WLS: variants seen among roughly 807,000 people sequenced by gnomAD.
WLS encodes the protein protein wntless homolog.
Under a neutral mutation model 62.8 loss-of-function variants are expected in WLS, and 23 were observed. The ratio of observed to expected loss-of-function variants is 0.37; its 90% CI spans 0.26 to 0.52. WLS has a LOEUF of 0.52. WLS is among the 20% of genes least tolerant of loss of function. WLS has a pLI of 0.92. For synonymous variants in WLS, 246 were observed against 244.1 expected (o/e 1.01, Z -0.07); for missense variants, 615 against 697.3 (o/e 0.88, Z 1.33).
intron 11 of WLS, among the ~76,000 whole-genome samples, chr1:68,130,929 T>C (rs1418278807): frequency 6.9e-6 from 1 of 145,490 alleles, no homozygotes; most frequent in Non-Finnish European, 1.5e-5. Context: ...AGTCTTGCTC[T>C]GTCACCCAGG....
At chr1:68,133,752 C>T (rs1357173084) in intron 11 of WLS, among the ~76,000 whole-genome samples, 1 of 152,238 alleles carries the variant, frequency 6.6e-6, no homozygotes, top group Non-Finnish European at 1.5e-5. Flanking sequence ...TCGTGAAATG[C>T]TCAATGATTC....
chr1:68,140,187 G>A (rs1006270126), intron 10 of WLS, among the ~76,000 whole-genome samples: 1 of 152,202 alleles, frequency 6.6e-6, no homozygotes, highest in Non-Finnish European at 1.5e-5. Context: ...CTGTGGCACA[G>A]AAAGATGGAG....
chr1:68,227,857 A>G (rs1557532419), intron 1 of WLS, among the ~76,000 whole-genome samples: 1 of 152,214 alleles, frequency 6.6e-6, no homozygotes, highest in Non-Finnish European at 1.5e-5. Context: ...CTTAAAATCT[A>G]ATAAATTGGA....
Position 68,125,696 on chromosome 1 carries a change from A to G in WLS, c.*530T>C, listed in dbSNP as rs1646419303. The G allele has an allele frequency of 1.0e-6, 1 of 985,754 alleles. No individual in the cohort carries two copies. Among genetic ancestry groups the G allele is most frequent in the Non-Finnish European group, 1.2e-6 (1 of 830,238 alleles). 61.1% of individuals were successfully genotyped at this position (985,754 alleles called of 1,614,324 possible). On this transcript the variant is annotated 3_prime_UTR_variant, in exon 12 of 12. Coordinates refer to ENST00000262348, the MANE Select transcript of WLS (RefSeq NM_024911.7). ...TGCCACAAAACAGGGACACTTATCT[A>G]TTGACAACTTAAATATTAACTCAGT...
At position 68,164,527 on chromosome 1, in the gene WLS, G is replaced by A. The variant is rs1327780877; in HGVS notation, c.380-5280C>T. 2.6e-5 allele frequency among the ~76,000 whole-genome samples: 4 copies of A among 152,048 alleles called. No individual in the cohort carries two copies. In the East Asian group the frequency reaches 7.7e-4, roughly 29 times the overall value. On this transcript the variant is annotated intron_variant, in intron 2 of 11. Transcript: ENST00000262348. The stretch of plus-strand genomic sequence containing the variant: ...CCTGCCTCAGCTTCCCAAAGTGTTG[G>A]GATCACAGGCGTGAACCACTGTGCC...
Position 68,162,610 on chromosome 1 carries a change from C to T in WLS, c.380-3363G>A, listed in dbSNP as rs1451401870. The T allele has an allele frequency of 8.9e-6, 12 of 1,349,472 alleles. 1 individual carries two copies. The highest frequency in any genetic ancestry group is 2.9e-5 in the African/African-American group (2 of 69,984). The allele number at this position is 1,349,472 out of a possible 1,614,324, so 83.6% of individuals were successfully genotyped here. ...GCGGTTCTGCTCCATGCTCTGAACCCGTGTGCCTTACCGCAGTGCTTGGTA... is the reference window on the plus strand; with the variant it reads ...GCGGTTCTGCTCCATGCTCTGAACCTGTGTGCCTTACCGCAGTGCTTGGTA... On this transcript the variant is annotated intron_variant, in intron 2 of 11. Coordinates refer to ENST00000262348, the MANE Select transcript of WLS (RefSeq NM_024911.7).
downstream of WLS, chr1:68,121,087 AAGTG>A (rs1414520815): frequency 3.9e-5 from 6 of 152,136 alleles, no homozygotes; most frequent in Non-Finnish European, 7.4e-5. Flanking sequence ...AAAAAGTAAG[AAGTG>A]AGTATTTTTA....
chr1:68,144,879 C>G (rs75328799), intron 9 of WLS, among the ~76,000 whole-genome samples: 78 of 152,278 alleles, frequency 5.1e-4, no homozygotes, highest in African/African-American at 1.8e-3. Flanking sequence ...AGCAGCGATA[C>G]GAGAGCCTGG....
intron 8 of WLS, among the ~76,000 whole-genome samples, chr1:68,147,493 C>A (rs1173363233): frequency 1.3e-5 from 2 of 152,322 alleles, no homozygotes; most frequent in South Asian, 4.1e-4. Context: ...CTCTCCACTC[C>A]AGAGCAGAGT....
chr1:68,132,431 A>AG lies in WLS; in HGVS notation c.1516+5348dup, dbSNP rs1288776411. 3.3e-5 allele frequency among the ~76,000 whole-genome samples: 5 copies of AG among 152,178 alleles called. No individual in the cohort carries two copies. In the East Asian group the frequency reaches 5.8e-4, roughly 18 times the overall value. Reference sequence around the variant, plus strand: ...CAATCAGGGAGATGGCGTCAATAAAAGGGGGCAACCAATGTCAGGGCCTCA... The same window carrying AG: ...CAATCAGGGAGATGGCGTCAATAAAAGGGGGGCAACCAATGTCAGGGCCTCA... On this transcript the variant is annotated intron_variant, in intron 11 of 11. Coordinates refer to ENST00000262348, the MANE Select transcript of WLS (RefSeq NM_024911.7).
At chr1:68,146,094 G>A in intron 8 of WLS, 82 bp from the exon 9 acceptor site, 1 of 1,489,188 alleles carries the variant, frequency 6.7e-7, no homozygotes, top group Middle Eastern at 1.8e-4. Context: ...CAGGTCTGTT[G>A]GCAATACTTG....
At chr1:68,133,267 C>T (rs1376691464) in intron 11 of WLS, among the ~76,000 whole-genome samples, 3 of 152,082 alleles carry the variant, frequency 2.0e-5, no homozygotes, top group Admixed American at 6.6e-5. Flanking sequence ...CATTCACTGC[C>T]GCTATGGTCC....
intron 1 of WLS, among the ~76,000 whole-genome samples, chr1:68,220,425 C>T (rs1649894544): frequency 1.3e-5 from 2 of 152,192 alleles, no homozygotes; most frequent in South Asian, 2.1e-4. Context: ...GAAGATGGAA[C>T]TCGTTCTCTC....
chr1:68,203,049 T>C (rs951872472), intron 1 of WLS: 2 of 152,268 alleles, frequency 1.3e-5, no homozygotes, highest in South Asian at 2.1e-4. Flanking sequence ...CCAACATTTG[T>C]TATTTAAAAT....
chr1:68,110,657 GTCTCTCTC>G (rs55965951), intron 11 of WLS, among the ~76,000 whole-genome samples: 50,894 of 113,776 alleles, frequency 0.45, 8,944 homozygotes, highest in Non-Finnish European at 0.54. Context: ...AAAAATCTCT[GTCTCTCTC>G]TCTCTCTCTC....
chr1:68,218,446 C>A (rs186297275), intron 1 of WLS, among the ~76,000 whole-genome samples: 1 of 152,052 alleles, frequency 6.6e-6, no homozygotes, highest in East Asian at 1.9e-4. Flanking sequence ...AGGCAAAGAC[C>A]TTTTATGCCA....
chr1:68,227,759 A>T (rs2100672721), intron 1 of WLS, among the ~76,000 whole-genome samples: 1 of 152,308 alleles, frequency 6.6e-6, no homozygotes, highest in East Asian at 1.9e-4. Flanking sequence ...TCTTGTCAAG[A>T]TTCTTGTCAA....
chr1:68,128,062 G>T (rs1273424600), intron 11 of WLS, among the ~76,000 whole-genome samples: 1 of 152,214 alleles, frequency 6.6e-6, no homozygotes, highest in Non-Finnish European at 1.5e-5. Flanking sequence ...CTGCTGCAGA[G>T]GACTGCTGAA....
rs1650476125 is a variant in WLS, at chr1:68,232,474, C to T, written c.-175G>A. ...GGGACGGAAGGCGCCCGCACGGATT[C>T]CCCCGGCGCAGCCGGCTCGGGTTCC... On this transcript the variant is annotated 5_prime_UTR_variant, in exon 1 of 12. Transcript: ENST00000262348. 2 of 1,321,852 alleles carry T rather than the reference C, an allele frequency of 1.5e-6. No individual in the cohort carries two copies. The highest frequency in any genetic ancestry group is 5.7e-5 in the East Asian group (2 of 35,298). The allele number at this position is 1,321,852 out of a possible 1,614,324, so 81.9% of individuals were successfully genotyped here. A position where few individuals can be genotyped will look rare whatever the true frequency, so the allele number is the denominator to read the frequency against.
Sources: allele counts gnomAD v4.1 joint callset (sites outside exome capture counted in the v4.1 genomes callset), GRCh38; gene constraint gnomAD v4.1.1; transcripts MANE v1.5; gene names NCBI Gene and HGNC (gene_info 2026-07-23, HGNC 2026-07-21).